KCNQ5: variants seen among roughly 807,000 people sequenced by gnomAD.
KCNQ5 encodes potassium voltage-gated channel subfamily Q member 5, also known as potassium voltage-gated channel subfamily KQT member 5.
A neutral mutation model predicts 98.2 loss-of-function variants in KCNQ5; 30 were observed. That is an observed-to-expected ratio of 0.31 (90% CI 0.23 to 0.41). The LOEUF is 0.41. Among genes scored for constraint, KCNQ5 ranks in the 10% least tolerant of loss-of-function variants. KCNQ5 has a pLI of 1.00. For synonymous variants in KCNQ5, 458 were observed against 449.4 expected, an observed-to-expected ratio of 1.02 and a Z score of -0.24; for missense variants, 835 against 1,182.5, an observed-to-expected ratio of 0.71 and a Z score of 4.31.
At chr6:72,808,122 GGA>G (rs1775044001) in intron 1 of KCNQ5, among the ~76,000 whole-genome samples, 1 of 152,206 alleles carries the variant, frequency 6.6e-6, no homozygotes, top group Non-Finnish European at 1.5e-5. Context: ...AGAAATTGAA[GGA>G]GAGAGTCAAT....
At chr6:72,735,269 T>C (rs1770769047) in intron 1 of KCNQ5, among the ~76,000 whole-genome samples, 1 of 152,356 alleles carries the variant, frequency 6.6e-6, no homozygotes, top group South Asian at 2.1e-4. Flanking sequence ...AGGACATGTA[T>C]GGACAAGGCT....
chr6:72,680,922 A>G (rs1297137721), intron 1 of KCNQ5, among the ~76,000 whole-genome samples: 1 of 152,238 alleles, frequency 6.6e-6, no homozygotes, highest in African/African-American at 2.4e-5. Context: ...GATACTTTTA[A>G]GTGGGTGTTT....
rs1162415229 is a variant in KCNQ5, at chr6:72,673,874, A to G, written c.398+51287A>G. Among the ~76,000 whole-genome samples, 3 of 152,322 alleles carry G rather than the reference A, an allele frequency of 2.0e-5. No homozygotes were observed. In the East Asian group the frequency reaches 5.8e-4, roughly 29 times the overall value. ...TATTTTCTATGCTTTGGTAGCAGTG[A>G]CAAAGCCGTTTTATTCAGATTAAAT... On this transcript the variant is annotated intron_variant, in intron 1 of 13. Coordinates refer to ENST00000370398, the MANE Select transcript of KCNQ5 (RefSeq NM_019842.4).
rs574195994 is a variant in KCNQ5, at chr6:72,980,034, T to C, written c.399-23874T>C. On this transcript the variant is annotated intron_variant, in intron 1 of 13. Transcript: ENST00000370398. ...GCCTCTGTTCTGTTCCATTGGTCTC[T>C]ATCTCTGTTTTGGTACCAGTACCAT... Among the ~76,000 whole-genome samples the C allele has an allele frequency of 3.3e-5, 5 of 152,360 alleles. No individual in the cohort carries two copies. The South Asian group carries it at 6.2e-4, about 19-fold the overall frequency.
intron 10 of KCNQ5, among the ~76,000 whole-genome samples, chr6:73,141,212 T>C (rs997674867): frequency 2.0e-5 from 3 of 152,222 alleles, no homozygotes; most frequent in Non-Finnish European, 4.4e-5. Flanking sequence ...GCGAGGTTCC[T>C]CTTGGGTCTC....
intron 10 of KCNQ5, chr6:73,134,062 G>A (rs1414260819): frequency 1.1e-5 from 5 of 462,038 alleles, no homozygotes; most frequent in African/African-American, 4.0e-5. Context: ...ATCATTTCTG[G>A]TCAACAATGA....
intron 1 of KCNQ5, among the ~76,000 whole-genome samples, chr6:72,694,133 A>G (rs1460261426): frequency 2.0e-5 from 3 of 152,150 alleles, no homozygotes; most frequent in Non-Finnish European, 1.5e-5. Flanking sequence ...GAAATTATAC[A>G]TTTTTTGATC....
At chr6:72,765,649 T>C (rs1015617624) in intron 1 of KCNQ5, among the ~76,000 whole-genome samples, 2 of 152,074 alleles carry the variant, frequency 1.3e-5, no homozygotes, top group African/African-American at 4.8e-5. Flanking sequence ...TGGATTCATG[T>C]ACTGAGAAAT....
intron 1 of KCNQ5, among the ~76,000 whole-genome samples, chr6:72,671,542 A>G (rs1767103903): frequency 6.6e-6 from 1 of 152,306 alleles, no homozygotes; most frequent in African/African-American, 2.4e-5. Flanking sequence ...ATTTTTATTC[A>G]TCACTTTAAA....
chr6:73,085,738 T>C lies in KCNQ5; in HGVS notation c.918+7851T>C, dbSNP rs142224848. On this transcript the variant is annotated intron_variant, in intron 5 of 13. Transcript: ENST00000370398. ...CAGAATGAAAGAAAGCAGGCACTCT[T>C]TTCTACTCAGGATGAAACACTGAGC... 1.4e-4 allele frequency among the ~76,000 whole-genome samples: 21 copies of C among 152,296 alleles called. No homozygotes were observed. The East Asian group carries it at 3.9e-3, about 28-fold the overall frequency.
intron 1 of KCNQ5, among the ~76,000 whole-genome samples, chr6:72,851,632 T>A (rs1370710647): frequency 6.6e-6 from 1 of 152,130 alleles, no homozygotes; most frequent in Non-Finnish European, 1.5e-5. Context: ...ACATTTTCAG[T>A]CTGTGATATA....
At chr6:73,140,834 G>A (rs943923133) in intron 10 of KCNQ5, among the ~76,000 whole-genome samples, 1 of 152,034 alleles carries the variant, frequency 6.6e-6, no homozygotes, top group African/African-American at 2.4e-5. Flanking sequence ...CTGATCCATA[G>A]GTGTCTTTTT....
intron 10 of KCNQ5, among the ~76,000 whole-genome samples, chr6:73,146,023 C>T (rs1776908622): frequency 6.6e-6 from 1 of 152,202 alleles, no homozygotes; most frequent in South Asian, 2.1e-4. Flanking sequence ...CACCCAGTCC[C>T]TCCCCCAACA....
At chr6:72,716,161 G>GC (rs1009354015) in intron 1 of KCNQ5, among the ~76,000 whole-genome samples, 2 of 152,010 alleles carry the variant, frequency 1.3e-5, no homozygotes, top group African/African-American at 4.8e-5. Context: ...ATTTTTCACA[G>GC]CCCCCCAAAA....
intron 1 of KCNQ5, among the ~76,000 whole-genome samples, chr6:72,965,499 C>T (rs1051357241): frequency 2.0e-4 from 31 of 152,098 alleles, no homozygotes; most frequent in African/African-American, 7.2e-4. Flanking sequence ...GCTGTATCTC[C>T]TTCTGTTTTT....
intron 1 of KCNQ5, among the ~76,000 whole-genome samples, chr6:72,809,496 G>A (rs62412468): frequency 0.026 from 3,950 of 152,008 alleles, 66 homozygotes; most frequent in Non-Finnish European, 0.04. Context: ...AGGTTGCAGT[G>A]AGCTGAGATC....
intron 5 of KCNQ5, among the ~76,000 whole-genome samples, chr6:73,104,302 TAAC>T (rs1774916151): frequency 6.6e-6 from 1 of 152,008 alleles, no homozygotes; most frequent in Non-Finnish European, 1.5e-5. Context: ...TTCTATACAT[TAAC>T]AACAAACTTT....
chr6:73,158,005 G>T (rs1562211699), intron 10 of KCNQ5: 1 of 734,340 alleles, frequency 1.4e-6, no homozygotes, highest in Non-Finnish European at 2.5e-6. Flanking sequence ...ATCAAGTAGG[G>T]TTCTCTGGGT....
At chr6:72,780,663 A>G (rs1295195448) in intron 1 of KCNQ5, among the ~76,000 whole-genome samples, 2 of 152,220 alleles carry the variant, frequency 1.3e-5, no homozygotes, top group Non-Finnish European at 2.9e-5. Context: ...ATATGAGATC[A>G]GATAATAAGG....
Sources: gnomAD v4.1 joint callset for allele counts (sites outside exome capture counted in the v4.1 genomes callset) on GRCh38, gnomAD v4.1.1 for gene constraint, MANE v1.5 for transcripts, NCBI Gene and HGNC (gene_info 2026-07-23, HGNC 2026-07-21) for gene names.